The following CEP112 variants were observed in gnomAD, a reference collection of about 807,000 sequenced individuals.
CEP112 encodes the protein centrosomal protein of 112 kDa.
A neutral mutation model predicts 153.0 loss-of-function variants in CEP112; 127 were observed. The ratio of observed to expected loss-of-function variants is 0.83; its 90% CI spans 0.72 to 0.96. The LOEUF is 0.96. Among genes scored for constraint, CEP112 ranks in the 40% least tolerant of loss-of-function variants. The pLI is 0.00. For synonymous variants in CEP112, 358 were observed against 374.4 expected (o/e 0.96, Z 0.51); for missense variants, 1,089 against 1,101.2 (o/e 0.99, Z 0.16).
At chr17:65,869,205 A>T (rs534099388) in intron 20 of CEP112, among the ~76,000 whole-genome samples, 1 of 152,348 alleles carries the variant, frequency 6.6e-6, no homozygotes, top group South Asian at 2.1e-4. Context: ...AATGACCAAG[A>T]GCTATTTAGA....
At chr17:66,142,592 T>C (rs1157150632) in intron 4 of CEP112, among the ~76,000 whole-genome samples, 1 of 152,142 alleles carries the variant, frequency 6.6e-6, no homozygotes, top group Non-Finnish European at 1.5e-5. Context: ...CCTAACACCA[T>C]TTATTGAAGT....
chr17:65,864,961 T>C (rs563574478), intron 20 of CEP112, among the ~76,000 whole-genome samples: 73 of 143,232 alleles, frequency 5.1e-4, no homozygotes, highest in Non-Finnish European at 8.6e-4. Flanking sequence ...TGTGTGTGTG[T>C]GTGTGTGTAC....
At chr17:65,997,695 T>G (rs1407088311) in intron 17 of CEP112, among the ~76,000 whole-genome samples, 1 of 152,174 alleles carries the variant, frequency 6.6e-6, no homozygotes, top group African/African-American at 2.4e-5. Context: ...TCTTTATTAT[T>G]GTCATAAGCT....
intron 17 of CEP112, among the ~76,000 whole-genome samples, chr17:65,993,623 T>C (rs985888186): frequency 2.6e-5 from 4 of 152,148 alleles, no homozygotes; most frequent in African/African-American, 7.2e-5. Flanking sequence ...TGGATAAATA[T>C]ATGGTGGTAT....
At chr17:65,687,611 T>C (rs1288576128) in intron 24 of CEP112, among the ~76,000 whole-genome samples, 1 of 152,226 alleles carries the variant, frequency 6.6e-6, no homozygotes, top group Non-Finnish European at 1.5e-5. Flanking sequence ...ATATGTGATA[T>C]ACATATGACA....
chr17:65,785,078 AC>A (rs1254082996), intron 21 of CEP112, among the ~76,000 whole-genome samples: 1 of 152,224 alleles, frequency 6.6e-6, no homozygotes, highest in Non-Finnish European at 1.5e-5. Context: ...TTTAAATCAT[AC>A]AACATATGAC....
chr17:65,897,502 A>G (rs965300593), intron 20 of CEP112, among the ~76,000 whole-genome samples: 2 of 152,148 alleles, frequency 1.3e-5, no homozygotes, highest in East Asian at 3.8e-4. Context: ...AATATTAGGC[A>G]TTAACTCCTA....
chr17:65,822,676 T>C (rs943969516), intron 21 of CEP112, among the ~76,000 whole-genome samples: 1 of 152,160 alleles, frequency 6.6e-6, no homozygotes, highest in Non-Finnish European at 1.5e-5. Flanking sequence ...TCTTCATAGG[T>C]TAGATTTGTT....
chr17:66,027,365 A>G (rs11079627), intron 16 of CEP112, 136 bp downstream of exon 16: 340,486 of 820,470 alleles, frequency 0.41, 75,191 homozygotes, highest in East Asian at 0.86. Flanking sequence ...TGACAGAGCA[A>G]GACTCTGTCT....
intron 12 of CEP112, among the ~76,000 whole-genome samples, chr17:66,050,705 G>A (rs763264171): frequency 7.2e-5 from 11 of 152,016 alleles, no homozygotes; most frequent in Admixed American, 6.6e-5. Context: ...GTGTTGAAGG[G>A]CCACTTATCA....
At chr17:65,757,042 G>C (rs977687763) in intron 21 of CEP112, among the ~76,000 whole-genome samples, 2 of 152,196 alleles carry the variant, frequency 1.3e-5, no homozygotes, top group African/African-American at 4.8e-5. Context: ...GTCATTATAA[G>C]AAGAGGAAGA....
chr17:65,657,034 C>T (rs561888827), intron 24 of CEP112, among the ~76,000 whole-genome samples: 11 of 152,142 alleles, frequency 7.2e-5, no homozygotes, highest in Non-Finnish European at 1.5e-4. Flanking sequence ...CTGAGAAAGT[C>T]GGAGGCAAAC....
At chr17:65,714,286 G>A (rs1336438047) in intron 23 of CEP112, among the ~76,000 whole-genome samples, 1 of 152,096 alleles carries the variant, frequency 6.6e-6, no homozygotes, top group Non-Finnish European at 1.5e-5. Flanking sequence ...ATGTAAAGAT[G>A]TAACATATTT....
At chr17:65,986,597 C>A (rs2063416193) in intron 17 of CEP112, among the ~76,000 whole-genome samples, 1 of 152,066 alleles carries the variant, frequency 6.6e-6, no homozygotes, top group African/African-American at 2.4e-5. Flanking sequence ...GCCATCATCT[C>A]CACAGCTAAA....
intron 5 of CEP112, among the ~76,000 whole-genome samples, chr17:66,132,376 G>A (rs1204466055): frequency 6.6e-6 from 1 of 151,880 alleles, no homozygotes; most frequent in Non-Finnish European, 1.5e-5. Context: ...TGATCACTGG[G>A]TATATAATCA....
At chr17:66,035,280 C>A (rs545543144) in intron 12 of CEP112, among the ~76,000 whole-genome samples, 2 of 152,068 alleles carry the variant, frequency 1.3e-5, no homozygotes, top group Admixed American at 1.3e-4. Context: ...GGACGTGGTT[C>A]CTGTTCATTG....
At chr17:65,846,903 A>G (rs533838227) in intron 21 of CEP112, among the ~76,000 whole-genome samples, 3 of 152,228 alleles carry the variant, frequency 2.0e-5, no homozygotes, top group Non-Finnish European at 2.9e-5. Flanking sequence ...CTGGGGCATT[A>G]GAAACAAATA....
At chr17:65,758,711 A>G (rs1190589372) in intron 21 of CEP112, among the ~76,000 whole-genome samples, 1 of 152,250 alleles carries the variant, frequency 6.6e-6, no homozygotes, top group Non-Finnish European at 1.5e-5. Flanking sequence ...ATATAATAGC[A>G]TAAGTTTCTG....
chr17:65,822,006 A>T, intron 21 of CEP112, among the ~76,000 whole-genome samples: 1 of 152,046 alleles, frequency 6.6e-6, no homozygotes, highest in Admixed American at 6.6e-5. Context: ...AATGATTTGC[A>T]AAATTTTTAA....
Sources: allele counts gnomAD v4.1 joint callset (sites outside exome capture counted in the v4.1 genomes callset), GRCh38; gene constraint gnomAD v4.1.1; transcripts MANE v1.5; gene names NCBI Gene and HGNC (gene_info 2026-07-23, HGNC 2026-07-21).